Variants in SNTG1 observed in about 807,000 individuals in gnomAD.
The protein encoded by SNTG1 is gamma-1-syntrophin.
Under a neutral mutation model 74.7 loss-of-function variants are expected in SNTG1, and 39 were observed. The ratio of observed to expected loss-of-function variants is 0.52; its 90% CI spans 0.40 to 0.68. The LOEUF is 0.68. Ranked by LOEUF, SNTG1 falls within the 30% of genes least tolerant of loss-of-function variation. The probability of loss-of-function intolerance (pLI) is 0.00; values close to 1 mark genes in which losing one functional copy is unlikely to be tolerated. For missense variants in SNTG1, 685 were observed against 609.5 expected, an observed-to-expected ratio of 1.12 and a Z score of -1.30; for synonymous variants, 254 against 217.1, an observed-to-expected ratio of 1.17 and a Z score of -1.49.
In SNTG1 at chr8:50,685,758, C is replaced by T. The variant is rs535140728; in HGVS notation, c.1039-18842C>T. ...TCAGACACTTTTGTGGGCACACACA[C>T]ACACATACAGCACATGATCTCTAGA... On this transcript the variant is annotated intron_variant, in intron 15 of 18. Transcript: ENST00000642720. Among the ~76,000 whole-genome samples the T allele has an allele frequency of 2.4e-4, 37 of 152,330 alleles. No homozygotes were observed. In the South Asian group the frequency reaches 7.7e-3, roughly 32 times the overall value.
intron 2 of SNTG1, among the ~76,000 whole-genome samples, chr8:50,259,508 A>AAAAGAAAGAAAGAAAG (rs555536386): frequency 3.8e-4 from 6 of 15,744 alleles, no homozygotes; most frequent in Non-Finnish European, 6.7e-4. Context: ...CAAAAAAAAA[A>AAAAGAAAGAAAGAAAG]AAAGAAAGAA....
chr8:50,746,928 T>C (rs1336066809), intron 17 of SNTG1, among the ~76,000 whole-genome samples: 1 of 149,826 alleles, frequency 6.7e-6, no homozygotes, highest in East Asian at 2.0e-4. Context: ...ATCTTTAGAC[T>C]TGTAGGATGG....
intron 1 of SNTG1, among the ~76,000 whole-genome samples, chr8:50,044,729 G>A (rs1818935157): frequency 6.6e-6 from 1 of 152,090 alleles, no homozygotes; most frequent in Non-Finnish European, 1.5e-5. Context: ...ATAAACTGCT[G>A]TATATAAAAT....
intron 2 of SNTG1, among the ~76,000 whole-genome samples, chr8:50,320,052 C>T (rs896541924): frequency 6.6e-6 from 1 of 152,162 alleles, no homozygotes; most frequent in Admixed American, 6.5e-5. Flanking sequence ...ATTTGCTCTT[C>T]CTCTGTGTTT....
In SNTG1 at chr8:50,046,159, T is replaced by G. The variant is rs149747455; in HGVS notation, c.-102-126402T>G. ...CTTGTCATTAAATAATATCCTTCTT[T>G]CGACATTTTTCAACCTTTAAATATG... On this transcript the variant is annotated intron_variant, in intron 1 of 18. Coordinates refer to ENST00000642720, the MANE Select transcript of SNTG1 (RefSeq NM_018967.5). 2.0e-5 allele frequency among the ~76,000 whole-genome samples: 3 copies of G among 152,338 alleles called. No individual in the cohort carries two copies. The East Asian group carries it at 5.8e-4, about 29-fold the overall frequency.
intron 2 of SNTG1, among the ~76,000 whole-genome samples, chr8:50,371,009 T>C (rs1204265728): frequency 6.6e-6 from 1 of 152,176 alleles, no homozygotes; most frequent in Non-Finnish European, 1.5e-5. Context: ...AATTGAAACA[T>C]GAACTTAAAT....
chr8:50,509,991 C>T (rs533759670), intron 9 of SNTG1, among the ~76,000 whole-genome samples: 4 of 152,106 alleles, frequency 2.6e-5, no homozygotes, highest in Admixed American at 6.6e-5. Flanking sequence ...CTGTCTTGTG[C>T]CAGTATTCAA....
At chr8:49,913,061 T>C (rs1055023893) in intron 1 of SNTG1, among the ~76,000 whole-genome samples, 5 of 152,206 alleles carry the variant, frequency 3.3e-5, no homozygotes, top group African/African-American at 9.7e-5. Flanking sequence ...AAAATTACAA[T>C]CTTTCACAGT....
At chr8:50,579,648 T>A (rs1402613227) in intron 12 of SNTG1, among the ~76,000 whole-genome samples, 1 of 152,012 alleles carries the variant, frequency 6.6e-6, no homozygotes, top group African/African-American at 2.4e-5. Flanking sequence ...GCATAAAGTA[T>A]AATAATAAAA....
chr8:50,050,817 T>C (rs1465862850), intron 1 of SNTG1, among the ~76,000 whole-genome samples: 1 of 152,074 alleles, frequency 6.6e-6, no homozygotes. Context: ...GAAACTTATT[T>C]ATCCCAGTAT....
intron 4 of SNTG1, among the ~76,000 whole-genome samples, chr8:50,409,545 C>T (rs960614005): frequency 3.3e-5 from 5 of 152,138 alleles, no homozygotes; most frequent in Non-Finnish European, 5.9e-5. Flanking sequence ...GATGCATGGC[C>T]GTTGTCAGAT....
intron 1 of SNTG1, among the ~76,000 whole-genome samples, chr8:50,071,355 G>T (rs775800371): frequency 6.6e-6 from 1 of 151,958 alleles, no homozygotes; most frequent in Non-Finnish European, 1.5e-5. Flanking sequence ...TTTTAATTTT[G>T]TTCAGAGATG....
chr8:50,087,087 A>C (rs1295225726), intron 1 of SNTG1, among the ~76,000 whole-genome samples: 1 of 152,170 alleles, frequency 6.6e-6, no homozygotes, highest in Non-Finnish European at 1.5e-5. Context: ...TTACACCATT[A>C]TGTTCCAGAT....
At chr8:50,791,250 T>C (rs2095689862) in intron 18 of SNTG1, among the ~76,000 whole-genome samples, 1 of 151,936 alleles carries the variant, frequency 6.6e-6, no homozygotes, top group African/African-American at 2.4e-5. Context: ...CTGAAGCAGA[T>C]TATTATAAAT....
intron 2 of SNTG1, among the ~76,000 whole-genome samples, chr8:50,391,232 T>G (rs1395952637): frequency 6.6e-6 from 1 of 152,172 alleles, no homozygotes; most frequent in Non-Finnish European, 1.5e-5. Flanking sequence ...CTTATTATTT[T>G]GAGATATGTC....
chr8:50,005,152 AATG>A (rs1386728289), intron 1 of SNTG1, among the ~76,000 whole-genome samples: 2 of 152,134 alleles, frequency 1.3e-5, no homozygotes, highest in African/African-American at 2.4e-5. Context: ...TGATACTGTA[AATG>A]ATAATTTACA....
rs963107573 is a variant in SNTG1 at position 50,492,439 on chromosome 8, G to A, written c.364-10339G>A. Among the ~76,000 whole-genome samples the A allele has an allele frequency of 3.9e-5, 6 of 152,288 alleles. No homozygotes were observed. In the South Asian group the frequency reaches 6.2e-4, roughly 16 times the overall value. On this transcript the variant is annotated intron_variant, in intron 8 of 18. Coordinates refer to ENST00000642720, the MANE Select transcript of SNTG1 (RefSeq NM_018967.5). ...TTTTTTAGTGATTGCTATTCTAACCGGTGTGAGATGGTATCTCAGTGTGAT... is the reference window on the plus strand; with the variant it reads ...TTTTTTAGTGATTGCTATTCTAACCAGTGTGAGATGGTATCTCAGTGTGAT...
chr8:50,346,340 A>AT (rs910074874), intron 2 of SNTG1, among the ~76,000 whole-genome samples: 1 of 151,980 alleles, frequency 6.6e-6, no homozygotes, highest in African/African-American at 2.4e-5. Context: ...TACTGGTGGG[A>AT]TTTTTTCAAG....
intron 13 of SNTG1, among the ~76,000 whole-genome samples, chr8:50,601,177 A>AAAAAAAAAAAAAAAAAC (rs2094772094): frequency 6.7e-6 from 1 of 149,224 alleles, no homozygotes; most frequent in African/African-American, 2.5e-5. Context: ...AAAAAAAAAA[A>AAAAAAAAAAAAAAAAAC]AAAAAAAGAC....
Sources: gnomAD v4.1 joint callset for allele counts (sites outside exome capture counted in the v4.1 genomes callset) on GRCh38, gnomAD v4.1.1 for gene constraint, MANE v1.5 for transcripts, NCBI Gene and HGNC (gene_info 2026-07-23, HGNC 2026-07-21) for gene names.